Variants in UBR1 observed in about 807,000 individuals in gnomAD.
UBR1 encodes E3 ubiquitin-protein ligase UBR1.
A neutral mutation model predicts 242.1 loss-of-function variants in UBR1; 102 were observed. The ratio of observed to expected loss-of-function variants is 0.42; its 90% CI spans 0.36 to 0.50. The LOEUF is 0.50. Among genes scored for constraint, UBR1 ranks in the 20% least tolerant of loss-of-function variants. UBR1 has a pLI of 0.01. For missense variants in UBR1, 1,772 were observed against 2,101.8 expected (o/e 0.84, Z 3.07); for synonymous variants, 675 against 684.8 (o/e 0.99, Z 0.22).
chr15:43,027,029 G>A (rs1348815789), intron 22 of UBR1, among the ~76,000 whole-genome samples: 1 of 152,006 alleles, frequency 6.6e-6, no homozygotes, highest in African/African-American at 2.4e-5. Context: ...ACACTTCATT[G>A]TCTAAGGTCA....
intron 15 of UBR1, among the ~76,000 whole-genome samples, chr15:43,039,496 T>C (rs532292147): frequency 6.6e-6 from 1 of 152,338 alleles, no homozygotes; most frequent in East Asian, 1.9e-4. Flanking sequence ...TATTGGTGTA[T>C]AAGAATGCTT....
At chr15:43,073,559 C>G (rs34258640) in intron 4 of UBR1, among the ~76,000 whole-genome samples, 8,100 of 152,240 alleles carry the variant, frequency 0.053, 312 homozygotes, top group South Asian at 0.094. Flanking sequence ...TTACTTCATT[C>G]CCTTTACCAA....
chr15:43,075,047 T>C lies in UBR1; in HGVS notation c.460A>G (p.Thr154Ala), dbSNP rs778630364. 20 of 1,614,042 alleles carry C rather than the reference T, an allele frequency of 1.2e-5. No individual in the cohort carries two copies. In the African/African-American group the frequency reaches 2.3e-4, roughly 18 times the overall value. ...AAAGGGCCAGTTTTCCATGCCTCTG[T>C]GTCTCCACAGTCACAGAACCCTCCT... ...TGGGFCDCGD[T>A]EAWKTGPFCV... Residue 154 changes from threonine to alanine, a missense_variant, in exon 4 of 47, where the codon ACA becomes GCA. Thr to Ala is a moderately conservative substitution (Grantham distance 58). Coordinates refer to ENST00000290650, the MANE Select transcript of UBR1 (RefSeq NM_174916.3).
intron 19 of UBR1, among the ~76,000 whole-genome samples, chr15:43,035,220 ACAAG>A: frequency 6.6e-6 from 1 of 152,310 alleles, no homozygotes; most frequent in Admixed American, 6.5e-5. Flanking sequence ...TGTTTTAAAA[ACAAG>A]CAAGACACTA....
chr15:43,032,349 T>C (rs191102995), intron 20 of UBR1, among the ~76,000 whole-genome samples: 215 of 152,278 alleles, frequency 1.4e-3, no homozygotes, highest in African/African-American at 5.1e-3. Flanking sequence ...AGACCTATAA[T>C]ATATATAAAA....
In UBR1 at chr15:43,043,413, T is replaced by C; in HGVS notation, c.1669-18A>G. Reference sequence around the variant, plus strand: ...AGTTCTTCCTAAGAGGAAAATAAGATACAAAAAGTTGACAAGTTTTCTACT... The same window carrying C: ...AGTTCTTCCTAAGAGGAAAATAAGACACAAAAAGTTGACAAGTTTTCTACT... On this transcript the variant is annotated intron_variant, in intron 14 of 46. Coordinates refer to ENST00000290650, the MANE Select transcript of UBR1 (RefSeq NM_174916.3). 2 of 1,613,532 alleles carry C rather than the reference T, an allele frequency of 1.2e-6. No homozygotes were observed. The highest frequency in any genetic ancestry group is 2.2e-5 in the East Asian group (1 of 44,864).
At chr15:43,032,992 T>C (rs927480024) in intron 19 of UBR1, among the ~76,000 whole-genome samples, 5 of 152,142 alleles carry the variant, frequency 3.3e-5, no homozygotes, top group African/African-American at 7.2e-5. Flanking sequence ...ATGGTGAGAG[T>C]ATCCTTCTCT....
chr15:43,054,634 A>G (rs2033594488), intron 12 of UBR1, 108 bp downstream of exon 12: 1 of 1,249,522 alleles, frequency 8.0e-7, no homozygotes, highest in Non-Finnish European at 1.2e-6. Context: ...CCATCATTAT[A>G]AAGAGAATTC....
chr15:43,005,632 G>A (rs1214622584), intron 30 of UBR1, among the ~76,000 whole-genome samples: 1 of 152,234 alleles, frequency 6.6e-6, no homozygotes, highest in Non-Finnish European at 1.5e-5. Flanking sequence ...TGACGATGGC[G>A]GTTTTGTGGA....
At chr15:42,951,187 G>A (rs1293630094) in intron 45 of UBR1, among the ~76,000 whole-genome samples, 1 of 152,146 alleles carries the variant, frequency 6.6e-6, no homozygotes, top group Non-Finnish European at 1.5e-5. Context: ...TTTCTCTGCA[G>A]GCAACTTAAA....
intron 20 of UBR1, among the ~76,000 whole-genome samples, chr15:43,031,538 T>C (rs899933695): frequency 2.0e-5 from 3 of 152,220 alleles, no homozygotes; most frequent in East Asian, 3.8e-4. Flanking sequence ...CACTCAGCAA[T>C]AAAGGCTTAC....
chr15:42,964,478 A>C (rs1019001812), intron 41 of UBR1, among the ~76,000 whole-genome samples: 2 of 152,136 alleles, frequency 1.3e-5, no homozygotes, highest in Non-Finnish European at 2.9e-5. Flanking sequence ...TCAAAAAAAA[A>C]CAAAAAACAA....
chr15:43,017,549 C>T (rs1456334580), intron 27 of UBR1, among the ~76,000 whole-genome samples: 2 of 152,056 alleles, frequency 1.3e-5, no homozygotes, highest in Non-Finnish European at 2.9e-5. Flanking sequence ...GAGGCGGAGG[C>T]GGGTAATCTC....
intron 20 of UBR1, 119 bp from the exon 21 acceptor site, chr15:43,030,187 G>A: frequency 1.7e-6 from 2 of 1,158,384 alleles, no homozygotes; most frequent in East Asian, 2.6e-5. Context: ...TGAGAGAGGG[G>A]CAAAAGTTAT....
Position 43,105,995 on chromosome 15 carries a change from C to G in UBR1, c.28G>C (p.Glu10Gln). Residue 10 changes from glutamate to glutamine, a missense_variant, in exon 1 of 47, where the codon GAG becomes CAG. This residue lies in a region of UBR1 where 734 missense variants were observed against 893.3 expected (regional missense o/e 0.82). Coordinates refer to ENST00000290650, the MANE Select transcript of UBR1 (RefSeq NM_174916.3). ...AACTCCGCGCTGATTTCCATCCTCTCAGTACCTCCAGCCTCCTCGTCCGCC... is the reference window on the plus strand; with the variant it reads ...AACTCCGCGCTGATTTCCATCCTCTGAGTACCTCCAGCCTCCTCGTCCGCC... MADEEAGGT[E>Q]RMEISAELPQ... 1 of 1,613,950 alleles carries G rather than the reference C, an allele frequency of 6.2e-7. No homozygotes were observed. The highest frequency in any genetic ancestry group is 8.5e-7 in the Non-Finnish European group (1 of 1,179,940).
intron 44 of UBR1, among the ~76,000 whole-genome samples, chr15:42,954,899 T>C (rs2031893656): frequency 6.6e-6 from 1 of 151,934 alleles, no homozygotes; most frequent in African/African-American, 2.4e-5. Context: ...CCAGGTGCGG[T>C]GGCTCACGTC....
intron 24 of UBR1, 102 bp from the exon 25 acceptor site, chr15:43,025,085 C>T: frequency 7.0e-7 from 1 of 1,423,910 alleles, no homozygotes; most frequent in Non-Finnish European, 9.7e-7. Context: ...TAATAGGTTA[C>T]ATGCAAAACA....
chr15:43,060,697 C>G (rs1381076870), intron 6 of UBR1, among the ~76,000 whole-genome samples: 7 of 151,800 alleles, frequency 4.6e-5, no homozygotes, highest in African/African-American at 1.7e-4. Context: ...TTACAATGAC[C>G]CTATGAAGAA....
intron 1 of UBR1, among the ~76,000 whole-genome samples, chr15:43,098,568 G>A (rs988318890): frequency 6.6e-6 from 1 of 152,170 alleles, no homozygotes; most frequent in African/African-American, 2.4e-5. Flanking sequence ...CACTCTTTGT[G>A]CAGTACTGAG....
Sources: gnomAD v4.1 joint callset for allele counts (sites outside exome capture counted in the v4.1 genomes callset) on GRCh38, gnomAD v4.1.1 for gene constraint, gnomAD v4.1.1 regional missense constraint, MANE v1.5 for transcripts, NCBI Gene and HGNC (gene_info 2026-07-23, HGNC 2026-07-21) for gene names.